Variants in SHANK2 observed in about 807,000 individuals in gnomAD.
SHANK2 encodes the protein SH3 and multiple ankyrin repeat domains protein 2.
A neutral mutation model predicts 133.7 loss-of-function variants in SHANK2; 43 were observed. The ratio of observed to expected loss-of-function variants is 0.32; its 90% CI spans 0.25 to 0.41. SHANK2 has a LOEUF of 0.41. Ranked by LOEUF, SHANK2 falls within the 10% of genes least tolerant of loss-of-function variation. The pLI is 1.00. For missense variants in SHANK2, 1,994 were observed against 2,235.8 expected (o/e 0.89, Z 2.18); for synonymous variants, 1,017 against 952.8 (o/e 1.07, Z -1.24).
At chr11:71,119,367 G>T (rs141689032) in intron 3 of SHANK2, among the ~76,000 whole-genome samples, 4,450 of 152,220 alleles carry the variant, frequency 0.029, 203 homozygotes, top group African/African-American at 0.098. Context: ...AGATCACAAG[G>T]TCAGGAGATC....
intron 17 of SHANK2, among the ~76,000 whole-genome samples, chr11:70,546,936 T>C (rs2059702963): frequency 6.6e-6 from 1 of 152,184 alleles, no homozygotes; most frequent in African/African-American, 2.4e-5. Context: ...ATCTGTGCGC[T>C]TCCGTATCAA....
chr11:70,593,701 T>C (rs1283985379), intron 17 of SHANK2, among the ~76,000 whole-genome samples: 1 of 152,218 alleles, frequency 6.6e-6, no homozygotes, highest in Non-Finnish European at 1.5e-5. Flanking sequence ...GGGGCAGGGT[T>C]GGGCAGGTTA....
chr11:71,093,448 CTGATGGGAGG>C (rs1175494765), intron 7 of SHANK2, among the ~76,000 whole-genome samples: 1 of 152,084 alleles, frequency 6.6e-6, no homozygotes, highest in East Asian at 1.9e-4. Context: ...GAGGTGGGGC[CTGATGGGAGG>C]TGATGGGTCA....
At chr11:70,704,526 A>G (rs1945616241) in intron 14 of SHANK2, among the ~76,000 whole-genome samples, 2 of 152,192 alleles carry the variant, frequency 1.3e-5, no homozygotes, top group South Asian at 4.1e-4. Context: ...TGTCATTAGC[A>G]GTAAGTGACC....
At chr11:70,540,120 A>G (rs1046051325) in intron 17 of SHANK2, among the ~76,000 whole-genome samples, 9 of 152,154 alleles carry the variant, frequency 5.9e-5, no homozygotes, top group Admixed American at 2.0e-4. Context: ...CAATGTCCCA[A>G]TTTCCAAGCA....
In SHANK2 at chr11:70,794,885, C is replaced by A. The variant is rs374893540; in HGVS notation, c.1777+3558G>T. 2.0e-5 allele frequency among the ~76,000 whole-genome samples: 3 copies of A among 152,292 alleles called. No homozygotes were observed. The East Asian group carries it at 5.8e-4, about 29-fold the overall frequency. ...AAGGAAGGGTTTAATATCTTATTTG[C>A]AGTTGGAGACGTGGGTATATACATT... On this transcript the variant is annotated intron_variant, in intron 14 of 25. Transcript: ENST00000601538.
intron 2 of SHANK2, among the ~76,000 whole-genome samples, chr11:71,210,752 G>A (rs1954257856): frequency 6.6e-6 from 1 of 152,052 alleles, no homozygotes; most frequent in Non-Finnish European, 1.5e-5. Flanking sequence ...AGGAACTGGG[G>A]ACAGAGAGCA....
intron 12 of SHANK2, among the ~76,000 whole-genome samples, chr11:70,813,138 G>A (rs538405616): frequency 3.3e-5 from 5 of 152,146 alleles, no homozygotes; most frequent in African/African-American, 1.2e-4. Flanking sequence ...GGGAGCTGAC[G>A]GTCAACTGGG....
intron 14 of SHANK2, among the ~76,000 whole-genome samples, chr11:70,797,361 A>G (rs976410091): frequency 6.6e-6 from 1 of 152,316 alleles, no homozygotes; most frequent in East Asian, 1.9e-4. Context: ...GTCTTAACTC[A>G]ATACCCCACA....
chr11:70,496,707 C>G (rs1370856233), intron 21 of SHANK2, among the ~76,000 whole-genome samples: 1 of 152,120 alleles, frequency 6.6e-6, no homozygotes, highest in African/African-American at 2.4e-5. Context: ...CAGGCGGGAG[C>G]TGGGGCTGGC....
intron 17 of SHANK2, among the ~76,000 whole-genome samples, chr11:70,653,124 C>G (rs1349312989): frequency 6.6e-6 from 1 of 151,974 alleles, no homozygotes; most frequent in Non-Finnish European, 1.5e-5. Context: ...AGGCGCCCAC[C>G]ACCACACCCG....
chr11:70,880,559 G>A (rs1438528010), intron 11 of SHANK2, among the ~76,000 whole-genome samples: 1 of 152,222 alleles, frequency 6.6e-6, no homozygotes, highest in Admixed American at 6.5e-5. Context: ...CTGGAAGCGG[G>A]CATGCCCCCT....
chr11:70,477,031 G>C (rs2058672688), intron 25 of SHANK2, among the ~76,000 whole-genome samples: 1 of 152,244 alleles, frequency 6.6e-6, no homozygotes, highest in African/African-American at 2.4e-5. Context: ...GAAAGGCTCT[G>C]CAGGCAGCTG....
intron 11 of SHANK2, among the ~76,000 whole-genome samples, chr11:70,824,115 C>A (rs1948599946): frequency 6.6e-6 from 1 of 150,892 alleles, no homozygotes; most frequent in African/African-American, 2.4e-5. Context: ...GAGGTGCTGG[C>A]AGAGCTCATG....
chr11:70,603,899 A>G (rs2060536196), intron 17 of SHANK2: 1 of 152,676 alleles, frequency 6.5e-6, no homozygotes, highest in Non-Finnish European at 1.5e-5. Context: ...GGTGCTTGGC[A>G]CCCAGAAGTG....
chr11:70,565,215 T>TCATC (rs56072142), intron 17 of SHANK2, among the ~76,000 whole-genome samples: 118,730 of 148,974 alleles, frequency 0.8, 47,905 homozygotes, highest in East Asian at 0.96. Context: ...GGAAGCAGTT[T>TCATC]CATCCATCCA....
chr11:70,936,932 C>T (rs1389072990), intron 10 of SHANK2, among the ~76,000 whole-genome samples: 2 of 152,220 alleles, frequency 1.3e-5, no homozygotes, highest in African/African-American at 2.4e-5. Flanking sequence ...CTTCATTTCT[C>T]CTTGGTACTG....
chr11:70,691,535 G>A lies in SHANK2; in HGVS notation c.1853+7153C>T, dbSNP rs1477433427. Among the ~76,000 whole-genome samples the A allele has an allele frequency of 5.3e-5, 8 of 152,314 alleles. No individual in the cohort carries two copies. In the East Asian group the frequency reaches 1.5e-3, roughly 29 times the overall value. On this transcript the variant is annotated intron_variant, in intron 15 of 25. Coordinates refer to ENST00000601538, the MANE Select transcript of SHANK2 (RefSeq NM_012309.5). Reference sequence around the variant, plus strand: ...GGTTGTGATGCCTTCCTTTGCCTATGCCCAGAGAAATACCTCTCTGTTTCA... The same window carrying A: ...GGTTGTGATGCCTTCCTTTGCCTATACCCAGAGAAATACCTCTCTGTTTCA...
intron 14 of SHANK2, among the ~76,000 whole-genome samples, chr11:70,744,304 T>G (rs1048901628): frequency 1.3e-5 from 2 of 152,188 alleles, no homozygotes; most frequent in African/African-American, 4.8e-5. Context: ...GGTCTTTCCA[T>G]GACTGCAGTA....
Sources: gnomAD v4.1 joint callset for allele counts (sites outside exome capture counted in the v4.1 genomes callset) on GRCh38, gnomAD v4.1.1 for gene constraint, MANE v1.5 for transcripts, NCBI Gene and HGNC (gene_info 2026-07-23, HGNC 2026-07-21) for gene names.